Variants in FAM13B observed in about 807,000 individuals in gnomAD.
FAM13B encodes protein FAM13B.
A neutral mutation model predicts 117.3 loss-of-function variants in FAM13B; 60 were observed. That is an observed-to-expected ratio of 0.51 (90% confidence interval 0.42 to 0.63). The LOEUF (loss-of-function observed/expected upper bound fraction) is 0.63. FAM13B is among the 30% of genes least tolerant of loss of function. FAM13B has a pLI of 0.00. For synonymous variants in FAM13B, 332 were observed against 356.1 expected (o/e 0.93, Z 0.76); for missense variants, 972 against 1,091.9 (o/e 0.89, Z 1.55).
At chr5:137,956,767 A>AGGGG (rs1554117345) in intron 13 of FAM13B, among the ~76,000 whole-genome samples, 77 of 143,804 alleles carry the variant, frequency 5.4e-4, no homozygotes, top group South Asian at 1.3e-3. Flanking sequence ...AGGGGGGGGA[A>AGGGG]AACTCAAAGT....
chr5:137,983,215 A>C (rs1263982946), intron 10 of FAM13B, among the ~76,000 whole-genome samples: 1 of 127,910 alleles, frequency 7.8e-6, no homozygotes, highest in Non-Finnish European at 1.6e-5. Context: ...AAAAAAAAAA[A>C]CCGAGTGAGA....
rs1297548723 is a variant in FAM13B, at chr5:137,945,894, T to C, written c.2340+8A>G. 1 of 1,595,962 alleles carries C rather than the reference T, an allele frequency of 6.3e-7. No individual in the cohort carries two copies. The highest frequency in any genetic ancestry group is 1.1e-5 in the South Asian group (1 of 88,712). ...ATGAACCAGAGAATTATTGCTTATT[T>C]TACTTACAAGGACAGGAGTGATGCT... On this transcript the variant is annotated splice_region_variant and intron_variant, in intron 20 of 23. Transcript: ENST00000689681.
intron 20 of FAM13B, among the ~76,000 whole-genome samples, chr5:137,945,661 G>A (rs1763218418): frequency 6.6e-6 from 1 of 152,164 alleles, no homozygotes; most frequent in South Asian, 2.1e-4. Flanking sequence ...TATTCTACCT[G>A]CTGTGATTTT....
At chr5:137,966,488 T>TATATATATATATAGAGAG (rs1461425784) in intron 10 of FAM13B, among the ~76,000 whole-genome samples, 2 of 29,484 alleles carry the variant, frequency 6.8e-5, no homozygotes, top group African/African-American at 2.5e-4. Context: ...TATATATATA[T>TATATATATATATAGAGAG]AGAGAGAGAG....
At chr5:137,943,078 C>G (rs767156835) in intron 21 of FAM13B, 40 bp from the exon 22 acceptor site, 75 of 1,612,728 alleles carry the variant, frequency 4.7e-5, no homozygotes, top group Non-Finnish European at 6.4e-5. Flanking sequence ...CATGCCTTGT[C>G]TTTGAACTCT....
intron 10 of FAM13B, among the ~76,000 whole-genome samples, chr5:137,973,133 A>T (rs551933738): frequency 3.0e-4 from 46 of 152,246 alleles, no homozygotes; most frequent in Non-Finnish European, 6.0e-4. Flanking sequence ...GGAACCAAAA[A>T]ACAGCCCACA....
chr5:138,010,586 G>A (rs1783723041), intron 6 of FAM13B, among the ~76,000 whole-genome samples: 1 of 152,082 alleles, frequency 6.6e-6, no homozygotes, highest in African/African-American at 2.4e-5. Flanking sequence ...TTATACTATT[G>A]TGTTGATTTG....
At chr5:137,958,421 G>A (rs1767182928) in intron 13 of FAM13B, among the ~76,000 whole-genome samples, 1 of 151,790 alleles carries the variant, frequency 6.6e-6, no homozygotes, top group African/African-American at 2.4e-5. Flanking sequence ...ACTTGGTTGG[G>A]GCTCTTAAAA....
In FAM13B at chr5:137,953,395, T is replaced by G. The variant is rs1279114991; in HGVS notation, c.1789A>C (p.Lys597Gln). 1 of 1,613,896 alleles carries G rather than the reference T, an allele frequency of 6.2e-7. No individual in the cohort carries two copies. The highest frequency in any genetic ancestry group is 8.5e-7 in the Non-Finnish European group (1 of 1,179,924). ...EDRTPYQLVK[K>Q]LQKKIRQFEE... is the part of the protein sequence containing the mutation. Reference sequence around the variant, plus strand: ...AATTGTCTGATTTTCTTCTGAAGTTTCTTGACCAGCTGATAAGGTGTTCTG... The same window carrying G: ...AATTGTCTGATTTTCTTCTGAAGTTGCTTGACCAGCTGATAAGGTGTTCTG... The change falls in exon 16 of 24, where the codon AAA becomes CAA. Residue 597 changes from lysine (K) to glutamine (Q), a missense_variant. Lys to Gln is a moderately conservative substitution (Grantham distance 53). Coordinates refer to ENST00000689681, the MANE Select transcript of FAM13B (RefSeq NM_001385994.1).
intron 4 of FAM13B, 99 bp downstream of exon 4, chr5:138,018,203 A>G (rs1785735339): frequency 9.8e-7 from 1 of 1,015,848 alleles, no homozygotes; most frequent in East Asian, 2.5e-5. Context: ...ATTAATCTCT[A>G]AAATACTATA....
intron 18 of FAM13B, among the ~76,000 whole-genome samples, chr5:137,947,707 G>C (rs1763828164): frequency 1.3e-5 from 2 of 151,998 alleles, no homozygotes. Context: ...TCAGCCTCTG[G>C]AGTAGCTGGA....
intron 13 of FAM13B, among the ~76,000 whole-genome samples, chr5:137,958,452 A>C (rs1767194390): frequency 6.6e-6 from 1 of 152,154 alleles, no homozygotes; most frequent in South Asian, 2.1e-4. Flanking sequence ...AGACCTTAAA[A>C]AAAAAAACAA....
chr5:138,026,628 CAAAAAA>C (rs56195021), intron 1 of FAM13B, among the ~76,000 whole-genome samples: 125 of 29,436 alleles, frequency 4.2e-3, no homozygotes, highest in African/African-American at 0.018. Flanking sequence ...GACCGTGTCT[CAAAAAA>C]AAAAAAAAAA....
At chr5:137,954,081 A>T in intron 15 of FAM13B, 85 bp downstream of exon 15, 2 of 616,976 alleles carry the variant, frequency 3.2e-6, no homozygotes, top group Non-Finnish European at 2.5e-6. Context: ...TTCACTATTG[A>T]AGCCCAGGCT....
intron 1 of FAM13B, among the ~76,000 whole-genome samples, chr5:138,026,895 C>T (rs961457170): frequency 2.5e-4 from 37 of 150,796 alleles, no homozygotes; most frequent in African/African-American, 8.8e-4. Context: ...GCCGAGATCG[C>T]GCCATTGCAC....
In FAM13B at chr5:137,985,251, C is replaced by A; in HGVS notation, c.1179+6G>T. 6.2e-7 allele frequency: 1 copy of A among 1,611,786 alleles called. No individual in the cohort carries two copies. On this transcript the variant is annotated splice_donor_region_variant and intron_variant, in intron 10 of 23. Transcript: ENST00000689681. ...ACATCTAACACATATTTTTGACATT[C>A]CTTACCTGGGTATTTTCTTCATTCT...
At chr5:137,981,938 T>C (rs1215408969) in intron 10 of FAM13B, among the ~76,000 whole-genome samples, 1 of 152,110 alleles carries the variant, frequency 6.6e-6, no homozygotes, top group East Asian at 1.9e-4. Flanking sequence ...CAAGACTAGG[T>C]AAGAATGTAA....
chr5:137,948,749 C>T (rs1374305136), intron 18 of FAM13B, among the ~76,000 whole-genome samples: 22 of 152,144 alleles, frequency 1.4e-4, no homozygotes, highest in Middle Eastern at 3.2e-3. Context: ...CATCAGCATT[C>T]TAGTTTTTTC....
chr5:138,031,023 CCT>C (rs995366012), intron 1 of FAM13B, among the ~76,000 whole-genome samples: 2 of 151,288 alleles, frequency 1.3e-5, no homozygotes, highest in Non-Finnish European at 3.0e-5. Context: ...ACAGTGATGC[CCT>C]GTCTCAAAAA....
Sources: gnomAD v4.1 joint callset for allele counts (sites outside exome capture counted in the v4.1 genomes callset) on GRCh38, gnomAD v4.1.1 for gene constraint, MANE v1.5 for transcripts, NCBI Gene and HGNC (gene_info 2026-07-23, HGNC 2026-07-21) for gene names.